Variants in EIF3A observed in about 807,000 individuals in gnomAD.
EIF3A encodes eukaryotic translation initiation factor 3 subunit A.
EIF3A carries 21 observed loss-of-function variants against 186.6 expected under a neutral mutation model. That is an observed-to-expected ratio of 0.11 (90% CI 0.08 to 0.16). The LOEUF (loss-of-function observed/expected upper bound fraction) is 0.16, where lower values mean the gene tolerates loss of function less well. Among genes scored for constraint, EIF3A ranks in the 10% least tolerant of loss-of-function variants. EIF3A has a pLI of 1.00. For synonymous variants in EIF3A, 563 were observed against 584.3 expected, an observed-to-expected ratio of 0.96 and a Z score of 0.52; for missense variants, 1,306 against 1,796.3, an observed-to-expected ratio of 0.73 and a Z score of 4.93.
chr10:119,080,196 G>A (rs866490487), intron 1 of EIF3A, among the ~76,000 whole-genome samples: 2 of 152,178 alleles, frequency 1.3e-5, no homozygotes, highest in Admixed American at 6.5e-5. Context: ...AGGCTCTCGC[G>A]TGCATTGTCC....
chr10:119,059,787 TGACA>T (rs1843853121), intron 9 of EIF3A, 69 bp from the exon 10 acceptor site: 11 of 991,274 alleles, frequency 1.1e-5, no homozygotes, highest in African/African-American at 3.2e-5. Flanking sequence ...TGCAATCTCA[TGACA>T]GTCATGGGAA....
intron 17 of EIF3A, among the ~76,000 whole-genome samples, chr10:119,047,078 C>T (rs565313266): frequency 2.0e-5 from 3 of 152,186 alleles, no homozygotes; most frequent in South Asian, 2.1e-4. Context: ...CCAGCCAGGC[C>T]AACATAGTGA....
Position 119,050,665 on chromosome 10 carries a change from T to C in EIF3A, c.2329A>G (p.Lys777Glu). 1 of 1,614,026 alleles carries C rather than the reference T, an allele frequency of 6.2e-7. No individual in the cohort carries two copies. Among genetic ancestry groups the C allele is most frequent in the South Asian group, 1.1e-5 (1 of 91,082 alleles). Residue 777 changes from lysine to glutamate, a missense_variant, in exon 16 of 22, where the codon AAA (lysine) becomes GAA (glutamate). Transcript: ENST00000369144. ...TCTGCTAATCGCTCTTCAAACTGTTTAAGTTTTTCCTGCAATCGAAGTAAC... is the reference window on the plus strand; with the variant it reads ...TCTGCTAATCGCTCTTCAAACTGTTCAAGTTTTTCCTGCAATCGAAGTAAC... ...ARQSVYEEKL[K>E]QFEERLAEER...
chr10:119,050,202 C>G (rs1326100010), intron 16 of EIF3A, among the ~76,000 whole-genome samples: 1 of 152,184 alleles, frequency 6.6e-6, no homozygotes, highest in African/African-American at 2.4e-5. Context: ...CCTCCCCCAT[C>G]CCTGAGCAAT....
At chr10:119,077,397 G>T (rs1844193903) in intron 1 of EIF3A, among the ~76,000 whole-genome samples, 1 of 152,042 alleles carries the variant, frequency 6.6e-6, no homozygotes, top group Admixed American at 6.5e-5. Context: ...GTTGCAGTGG[G>T]CCGAGATAGT....
chr10:119,038,682 T>C (rs956763862), intron 19 of EIF3A, among the ~76,000 whole-genome samples: 28 of 152,218 alleles, frequency 1.8e-4, no homozygotes, highest in African/African-American at 6.5e-4. Context: ...CCAGCACTTT[T>C]GGAGACCGAG....
At chr10:119,059,945 G>C (rs529735608) in intron 9 of EIF3A, 3 of 582,508 alleles carry the variant, frequency 5.2e-6, no homozygotes, top group South Asian at 3.3e-5. Flanking sequence ...AATCCTAGTT[G>C]TTGTAAAACA....
At chr10:119,036,355 T>G in intron 21 of EIF3A, 87 bp from the exon 22 acceptor site, 1 of 793,730 alleles carries the variant, frequency 1.3e-6, no homozygotes, top group Non-Finnish European at 2.0e-6. Context: ...CTAAAGATTG[T>G]TAAATACAGA....
chr10:119,039,329 T>C (rs758994160), intron 19 of EIF3A, among the ~76,000 whole-genome samples: 100 of 152,144 alleles, frequency 6.6e-4, no homozygotes, highest in Non-Finnish European at 2.8e-4. Context: ...AGATGTAAAT[T>C]TGCTGGTGAC....
rs3061097 is a variant in EIF3A at position 119,033,872 on chromosome 10, TA to T, written c.*2166del. ...TCAATCTATGGTCAGTGTCTTTGGT[TA>T]AAAAAAAAAAAAAACACAGGCAGTT... is the stretch of plus-strand genomic sequence containing the variant. On this transcript the variant is annotated 3_prime_UTR_variant, in exon 22 of 22. Transcript: ENST00000369144. 55,246 of 159,736 alleles carry T rather than the reference TA, an allele frequency of 0.35. 10,010 individuals are homozygous for T. The highest frequency in any genetic ancestry group is 0.48 in the Middle Eastern group (135 of 284). The allele number at this position is 159,736 out of a possible 1,614,324, so 9.9% of individuals were successfully genotyped here.
chr10:119,073,143 G>C (rs1337847379), intron 3 of EIF3A, 90 bp from the exon 4 acceptor site: 1 of 1,280,568 alleles, frequency 7.8e-7, no homozygotes, highest in African/African-American at 1.5e-5. Flanking sequence ...TCAGAAAACA[G>C]TGCAAATTCT....
chr10:119,054,389 A>T (rs960750578), intron 14 of EIF3A, among the ~76,000 whole-genome samples: 1 of 151,952 alleles, frequency 6.6e-6, no homozygotes, highest in African/African-American at 2.4e-5. Context: ...CTCACTGTTT[A>T]TGTGTTCACT....
At chr10:119,073,368 G>A in intron 3 of EIF3A, 73 bp downstream of exon 3, 2 of 1,136,978 alleles carry the variant, frequency 1.8e-6, no homozygotes, top group South Asian at 1.5e-5. Flanking sequence ...ACTTCAAAAG[G>A]AAATGAAGAC....
intron 1 of EIF3A, among the ~76,000 whole-genome samples, chr10:119,075,651 C>CATATATATATATATAT (rs5788328): frequency 3.1e-5 from 3 of 97,098 alleles, no homozygotes; most frequent in African/African-American, 1.2e-4. Flanking sequence ...TATATATATA[C>CATATATATATATATAT]ATATATATAT....
Position 119,049,889 on chromosome 10 carries a change from T to C in EIF3A, c.2570A>G (p.Lys857Arg). The change falls in exon 17 of 22, where the codon AAA becomes AGA. Residue 857 changes from lysine (K) to arginine (R), a missense_variant. By Grantham distance (26) the Lys-to-Arg change is conservative. This residue lies in a region of EIF3A where 410 missense variants were observed against 473.5 expected (regional missense o/e 0.87). Coordinates refer to ENST00000369144, the MANE Select transcript of EIF3A (RefSeq NM_003750.4). ...AATTTCCAACTCCCTTTGGCGTTTTTTCCTTTCCACTTCTTCTAATTTCTT... is the reference window on the plus strand; with the variant it reads ...AATTTCCAACTCCCTTTGGCGTTTTCTCCTTTCCACTTCTTCTAATTTCTT... ...RVKKLEEVER[K>R]KRQRELEIEE... The C allele has an allele frequency of 6.2e-7, 1 of 1,614,242 alleles. No individual in the cohort carries two copies. Among genetic ancestry groups the C allele is most frequent in the Non-Finnish European group, 8.5e-7 (1 of 1,180,040 alleles).
At chr10:119,037,078 C>G (rs763991110) in intron 21 of EIF3A, 41 bp downstream of exon 21, 3 of 366,222 alleles carry the variant, frequency 8.2e-6, no homozygotes, top group Non-Finnish European at 1.5e-5. Flanking sequence ...CCCCCAGAAA[C>G]GACAGTTCTC....
In EIF3A at chr10:119,080,761, AG is replaced by A. The variant is rs1264449226; in HGVS notation, c.-86del. The stretch of plus-strand genomic sequence containing the variant: ...GAGGAGACGAAGGGGAACCAGCGTA[AG>A]GTCCCACGCGCCTCGCCAGCAGTCG... On this transcript the variant is annotated 5_prime_UTR_variant, in exon 1 of 22. Transcript: ENST00000369144. 39 of 1,522,094 alleles carry A rather than the reference AG, an allele frequency of 2.6e-5. 1 individual carries two copies. The African/African-American group carries it at 5.5e-4, about 21-fold the overall frequency. 94.3% of individuals were successfully genotyped at this position (1,522,094 alleles called of 1,614,324 possible). A position where few individuals can be genotyped will look rare whatever the true frequency, so the allele number is the denominator to read the frequency against.
At position 119,080,307 on chromosome 10, in the gene EIF3A, G is replaced by A. The variant is rs1250880241; in HGVS notation, c.49+321C>T. 11 of 985,346 alleles carry A rather than the reference G, an allele frequency of 1.1e-5. No individual in the cohort carries two copies. The Admixed American group carries it at 1.8e-4, about 16-fold the overall frequency. 61.0% of individuals were successfully genotyped at this position (985,346 alleles called of 1,614,324 possible). On this transcript the variant is annotated intron_variant, in intron 1 of 21. Coordinates refer to ENST00000369144, the MANE Select transcript of EIF3A (RefSeq NM_003750.4). ...AGCCCCAGGGACCTGGAGAGCCAGA[G>A]GACGCAGGCAGCAAGGAGGGAGCTC...
chr10:119,037,890 T>C (rs1408022565), intron 20 of EIF3A, among the ~76,000 whole-genome samples: 1 of 151,462 alleles, frequency 6.6e-6, no homozygotes, highest in Non-Finnish European at 1.5e-5. Flanking sequence ...GCCTCCATTT[T>C]CTTACTTTAA....
Sources: allele counts gnomAD v4.1 joint callset (sites outside exome capture counted in the v4.1 genomes callset), GRCh38; gene constraint gnomAD v4.1.1; regional missense constraint gnomAD v4.1.1; transcripts MANE v1.5; gene names NCBI Gene and HGNC (gene_info 2026-07-23, HGNC 2026-07-21).